WWOX: variants seen among roughly 807,000 people sequenced by gnomAD.
The protein encoded by WWOX is WW domain-containing oxidoreductase.
A neutral mutation model predicts 46.2 loss-of-function variants in WWOX; 69 were observed. The ratio of observed to expected loss-of-function variants is 1.49; its 90% CI spans 1.23 to 1.82. The LOEUF is 1.82. WWOX is among the 40% of genes most tolerant of loss of function. The probability of loss-of-function intolerance (pLI) is 0.00; values close to 1 mark genes in which losing one functional copy is unlikely to be tolerated. For synonymous variants in WWOX, 359 were observed against 202.6 expected, an observed-to-expected ratio of 1.77 and a Z score of -6.56; for missense variants, 919 against 542.6, an observed-to-expected ratio of 1.69 and a Z score of -6.89.
intron 8 of WWOX, among the ~76,000 whole-genome samples, chr16:78,613,001 T>A (rs909732195): frequency 6.6e-6 from 1 of 152,168 alleles, no homozygotes. Flanking sequence ...GACCCTGTCC[T>A]TCTCAGAACA....
In WWOX at chr16:78,579,741, A is replaced by G. The variant is rs560159036; in HGVS notation, c.1056+146989A>G. Among the ~76,000 whole-genome samples, 7 of 152,326 alleles carry G rather than the reference A, an allele frequency of 4.6e-5. No individual in the cohort carries two copies. The East Asian group carries it at 1.4e-3, about 29-fold the overall frequency. ...CTTCTTCTTTCTTTAGAGAAAACAA[A>G]TATCATCTGCCTTGCTAGGTAGTTG... is the stretch of plus-strand genomic sequence containing the variant. On this transcript the variant is annotated intron_variant, in intron 8 of 8. Transcript: ENST00000566780.
At chr16:78,964,496 C>A (rs901588731) in intron 8 of WWOX, among the ~76,000 whole-genome samples, 15 of 152,174 alleles carry the variant, frequency 9.9e-5, no homozygotes, top group African/African-American at 3.6e-4. Context: ...GAAGAAATTT[C>A]TCATCAGCAA....
At chr16:79,104,968 C>A (rs753389462) in intron 8 of WWOX, among the ~76,000 whole-genome samples, 1 of 152,174 alleles carries the variant, frequency 6.6e-6, no homozygotes, top group South Asian at 2.1e-4. Context: ...GAGGGTGCAC[C>A]TGTCCGCCAC....
intron 8 of WWOX, among the ~76,000 whole-genome samples, chr16:79,199,221 C>A (rs886253331): frequency 1.3e-5 from 2 of 152,134 alleles, no homozygotes; most frequent in Non-Finnish European, 2.9e-5. Flanking sequence ...CGCCACCACG[C>A]CTGGCTAATT....
intron 8 of WWOX, among the ~76,000 whole-genome samples, chr16:78,436,196 A>G (rs1420774895): frequency 6.6e-6 from 1 of 152,180 alleles, no homozygotes; most frequent in Non-Finnish European, 1.5e-5. Flanking sequence ...ATTCTCCAAA[A>G]TGTAATCTCT....
intron 8 of WWOX, among the ~76,000 whole-genome samples, chr16:78,860,577 C>G (rs573831645): frequency 6.6e-6 from 1 of 152,174 alleles, no homozygotes; most frequent in Non-Finnish European, 1.5e-5. Context: ...AAAGAAAAGT[C>G]CCTATCCTGG....
intron 8 of WWOX, chr16:78,891,393 C>G (rs911439937): frequency 6.6e-6 from 1 of 152,052 alleles, no homozygotes; most frequent in African/African-American, 2.4e-5. Context: ...GTTCCTGTTA[C>G]CAGGGAATAC....
chr16:78,415,439 T>C (rs2082777288), intron 6 of WWOX, among the ~76,000 whole-genome samples: 1 of 152,146 alleles, frequency 6.6e-6, no homozygotes. Context: ...TGACCTCCTA[T>C]GTTATCCTGT....
intron 8 of WWOX, among the ~76,000 whole-genome samples, chr16:79,134,331 T>A (rs983536413): frequency 2.0e-5 from 3 of 150,924 alleles, no homozygotes; most frequent in African/African-American, 4.9e-5. Context: ...TAAAGAAAGG[T>A]GGATTTATTG....
chr16:78,280,553 A>G (rs567184286), intron 5 of WWOX, among the ~76,000 whole-genome samples: 2 of 151,574 alleles, frequency 1.3e-5, no homozygotes, highest in South Asian at 2.1e-4. Flanking sequence ...TACAGGAAGC[A>G]TAGCGGCTTC....
intron 8 of WWOX, among the ~76,000 whole-genome samples, chr16:79,107,500 C>T (rs1046407488): frequency 3.3e-5 from 5 of 152,232 alleles, no homozygotes; most frequent in African/African-American, 7.2e-5. Flanking sequence ...GTTGGGCATA[C>T]TGCCCAAGCA....
intron 8 of WWOX, chr16:79,090,109 G>A (rs1487496466): frequency 1.3e-5 from 2 of 152,008 alleles, no homozygotes; most frequent in African/African-American, 4.8e-5. Flanking sequence ...GAAAAAAGGG[G>A]CTTTAATCAA....
At chr16:78,199,169 C>T (rs973137531) in intron 5 of WWOX, among the ~76,000 whole-genome samples, 3 of 152,004 alleles carry the variant, frequency 2.0e-5, no homozygotes, top group Non-Finnish European at 4.4e-5. Context: ...AAAAATTAGC[C>T]GGGCATGGTG....
intron 5 of WWOX, among the ~76,000 whole-genome samples, chr16:78,171,284 C>T (rs957261774): frequency 1.3e-5 from 2 of 152,078 alleles, no homozygotes; most frequent in Non-Finnish European, 1.5e-5. Flanking sequence ...GTAAATTGCT[C>T]GCACTTTTAA....
chr16:78,206,363 G>A (rs1444436150), intron 5 of WWOX, among the ~76,000 whole-genome samples: 1 of 151,952 alleles, frequency 6.6e-6, no homozygotes, highest in African/African-American at 2.4e-5. Flanking sequence ...TTAGAAAGGA[G>A]GAGGAGAAGA....
intron 6 of WWOX, among the ~76,000 whole-genome samples, chr16:78,389,098 T>G (rs1211121096): frequency 6.6e-6 from 1 of 152,206 alleles, no homozygotes; most frequent in Non-Finnish European, 1.5e-5. Context: ...CCAAGCTGGC[T>G]TGTAGGAACA....
At chr16:78,599,213 G>A (rs1320876509) in intron 8 of WWOX, among the ~76,000 whole-genome samples, 1 of 152,224 alleles carries the variant, frequency 6.6e-6, no homozygotes, top group Non-Finnish European at 1.5e-5. Context: ...GAATGGGTCT[G>A]CGTCTTGCAC....
At chr16:78,929,729 T>G (rs957219313) in intron 8 of WWOX, among the ~76,000 whole-genome samples, 21 of 152,060 alleles carry the variant, frequency 1.4e-4, no homozygotes, top group Non-Finnish European at 1.5e-5. Flanking sequence ...AAGGCAGCTT[T>G]GAAAAGAAAA....
At chr16:78,755,859 C>G (rs1597556072) in intron 8 of WWOX, among the ~76,000 whole-genome samples, 1 of 152,200 alleles carries the variant, frequency 6.6e-6, no homozygotes, top group South Asian at 2.1e-4. Flanking sequence ...TTTTCTCCTC[C>G]TCTATGCACC....
Sources: allele counts gnomAD v4.1 joint callset (sites outside exome capture counted in the v4.1 genomes callset), GRCh38; gene constraint gnomAD v4.1.1; transcripts MANE v1.5; gene names NCBI Gene and HGNC (gene_info 2026-07-23, HGNC 2026-07-21).